The following FLNC variants were observed in gnomAD, a reference collection of about 807,000 sequenced individuals.
FLNC encodes filamin-C.
FLNC carries 91 observed loss-of-function variants against 254.3 expected under a neutral mutation model. That is an observed-to-expected ratio of 0.36 (90% CI 0.30 to 0.43). FLNC has a LOEUF of 0.43. FLNC is among the 20% of genes least tolerant of loss of function. FLNC has a pLI of 1.00. For missense variants in FLNC, 2,853 were observed against 3,802.6 expected, an observed-to-expected ratio of 0.75 and a Z score of 6.57; for synonymous variants, 1,430 against 1,577.2, an observed-to-expected ratio of 0.91 and a Z score of 2.21.
intron 35 of FLNC, among the ~76,000 whole-genome samples, chr7:128,851,988 C>T (rs1177196642): frequency 6.6e-6 from 1 of 152,182 alleles, no homozygotes; most frequent in East Asian, 1.9e-4. Context: ...GCCTCAGCCT[C>T]CCAAGTAGCT....
Position 128,857,339 on chromosome 7 carries a change from G to A in FLNC, c.7780+3G>A, listed in dbSNP as rs1480545618. On this transcript the variant is annotated splice_donor_region_variant and intron_variant, in intron 46 of 47. Transcript: ENST00000325888. The surrounding 1 kb of genome is among the most constrained non-coding windows in gnomAD (Gnocchi z 4.5). ...CCCCTTCAAGGCCAAGGTCACTGGT[G>A]AGTGCCAGTTTGGGGGAGGTCCACC... 5 of 1,610,886 alleles carry A rather than the reference G, an allele frequency of 3.1e-6. No homozygotes were observed. The highest frequency in any genetic ancestry group is 2.2e-5 in the South Asian group (2 of 90,988).
In FLNC at chr7:128,838,747, T is replaced by C. The variant is rs1451514235; in HGVS notation, c.1355T>C (p.Val452Ala). Residue 452 changes from valine to alanine, a missense_variant, in exon 8 of 48, where the codon GTG becomes GCG. By Grantham distance (64) the Val-to-Ala change is moderately conservative (BLOSUM62 0). Around this residue, in one of 10 missense-constraint regions of FLNC, gnomAD observed 1,573 missense variants for 1,883.5 expected, o/e 0.84. Transcript: ENST00000325888. ...PAMEGPHTVHVAFAGAPITRS... is the reference protein window; with the variant it reads ...PAMEGPHTVHAAFAGAPITRS... ...ATGGAGGGGCCACATACCGTGCATG[T>C]GGCCTTTGCGGGTGCCCCCATCACC... 1.2e-6 allele frequency: 2 copies of C among 1,612,928 alleles called. No homozygotes were observed. The highest frequency in any genetic ancestry group is 1.7e-6 in the Non-Finnish European group (2 of 1,180,008).
In FLNC at chr7:128,856,477, C is replaced by T. The variant is rs1234199031; in HGVS notation, c.7252-41C>T. The T allele has an allele frequency of 1.7e-5, 27 of 1,606,112 alleles. 1 individual carries two copies. The highest frequency in any genetic ancestry group is 6.6e-5 in the South Asian group (6 of 91,066). ...GCTTCAGAGAAGACTGCTCCAGCCC[C>T]GGCCTCCCAGGAGTCTGAGCATCCT... On this transcript the variant is annotated intron_variant, in intron 43 of 47. Transcript: ENST00000325888. This position sits in a 1 kb window ranked among gnomAD's most constrained non-coding sequence, Gnocchi z 5.9.
Position 128,849,522 on chromosome 7 carries a change from G to A in FLNC, c.5143G>A (p.Val1715Ile), listed in dbSNP as rs200178370. 1.3e-4 allele frequency: 212 copies of A among 1,614,192 alleles called. 1 individual carries two copies. The highest frequency in any genetic ancestry group is 1.0e-4 in the Non-Finnish European group (123 of 1,180,028). ...YYTAPEPGKY[V>I]ITIRFGGEHI... ...CACAGCGCCCGAGCCGGGCAAGTAC[G>A]TCATCACCATCCGCTTCGGGGGTGA... Residue 1715 changes from valine to isoleucine, a missense_variant, in exon 30 of 48, where the codon GTC becomes ATC. Coordinates refer to ENST00000325888, the MANE Select transcript of FLNC (RefSeq NM_001458.5).
rs369916201 is a variant in FLNC at position 128,842,601 on chromosome 7, C to T, written c.2292C>T (p.Pro764=). 5.0e-5 allele frequency: 78 copies of T among 1,549,600 alleles called. No individual in the cohort carries two copies. The Middle Eastern group carries it at 1.0e-3, about 20-fold the overall frequency. ...TGAACGTGGGCGAGGGCAGCCACCC[C>T]GAGCGGGTAAAGGTGTACGGCCCCG... The part of the protein sequence containing the change: ...FRVNVGEGSH[P]ERVKVYGPGV... Residue 764 remains proline (P), a synonymous_variant, in exon 15 of 48, where the codon CCC becomes CCT. Coordinates refer to ENST00000325888, the MANE Select transcript of FLNC (RefSeq NM_001458.5). The surrounding 1 kb of genome is among the most constrained non-coding windows in gnomAD (Gnocchi z 5.4).
intron 1 of FLNC, 141 bp downstream of exon 1, chr7:128,831,130 C>G (rs1484863264): frequency 1.3e-6 from 1 of 764,044 alleles, no homozygotes; most frequent in African/African-American, 1.8e-5. Context: ...GACCCTGGCC[C>G]CGGCCCTCCC....
intron 1 of FLNC, among the ~76,000 whole-genome samples, chr7:128,834,314 C>G (rs1038553936): frequency 4.8e-5 from 7 of 146,532 alleles, no homozygotes; most frequent in African/African-American, 1.6e-4. Context: ...TCTAGGCGCC[C>G]CCCCCCCCCA....
In FLNC at chr7:128,840,641, C is replaced by A; in HGVS notation, c.1643C>A (p.Thr548Asn). 2 of 1,614,224 alleles carry A rather than the reference C, an allele frequency of 1.2e-6. No homozygotes were observed. Among genetic ancestry groups the A allele is most frequent in the Non-Finnish European group, 1.7e-6 (2 of 1,180,036 alleles). ...GTGGTGCCTGGGAAGTATGTGGTGA[C>A]CATCACGTGGGGCGGCTACGCCATC... Reference protein sequence around the residue: ...YPVVPGKYVVTITWGGYAIPR... With the variant: ...YPVVPGKYVVNITWGGYAIPR... Residue 548 changes from threonine to asparagine, a missense_variant, in exon 10 of 48, where the codon ACC (threonine) becomes AAC (asparagine). By Grantham distance (65) the Thr-to-Asn change is moderately conservative (BLOSUM62 0). This residue lies in a region of FLNC where 1,573 missense variants were observed against 1,883.5 expected (regional missense o/e 0.84). Coordinates refer to ENST00000325888, the MANE Select transcript of FLNC (RefSeq NM_001458.5).
intron 21 of FLNC, 87 bp downstream of exon 21, chr7:128,845,342 G>A (rs2128936562): frequency 9.1e-7 from 1 of 1,095,092 alleles, no homozygotes; most frequent in South Asian, 1.3e-5. Context: ...AGAGCTGAGA[G>A]CTGGAAGAGC....
At position 128,853,814 on chromosome 7, in the gene FLNC, GT is replaced by G; in HGVS notation, c.6462del (p.Cys2154TrpfsTer21). On this transcript the variant is annotated frameshift_variant, in exon 39 of 48. Coordinates refer to ENST00000325888, the MANE Select transcript of FLNC (RefSeq NM_001458.5). LOFTEE classifies it high-confidence loss of function. ...APSIATIGST[C>X]DLNLKIPGNW... is the part of the protein sequence containing the mutation. ...TCCATCGCCACCATCGGCAGCACCT[GT>G]GACCTCAACCTCAAGATCCCAGGTA... is the stretch of plus-strand genomic sequence containing the variant. 1 of 1,613,564 alleles carries G rather than the reference GT, an allele frequency of 6.2e-7. No individual in the cohort carries two copies. The highest frequency in any genetic ancestry group is 8.5e-7 in the Non-Finnish European group (1 of 1,180,012).
chr7:128,832,364 G>A (rs1214632304), intron 1 of FLNC, among the ~76,000 whole-genome samples: 2 of 152,222 alleles, frequency 1.3e-5, no homozygotes, highest in Admixed American at 1.3e-4. Context: ...TGAGGGCTAC[G>A]TGATGGAGGC....
In FLNC at chr7:128,841,873, C is replaced by T. The variant is rs184124838; in HGVS notation, c.2121+306C>T. Among the ~76,000 whole-genome samples, 3 of 152,150 alleles carry T rather than the reference C, an allele frequency of 2.0e-5. No homozygotes were observed. Among genetic ancestry groups the T allele is most frequent in the Admixed American group, 2.0e-4 (3 of 15,264 alleles). ...GTTTCTCAGACTGGTGTCCATTGAC[C>T]CCTAGAGGTTAATGAACATATTCTT... is the stretch of plus-strand genomic sequence containing the variant. On this transcript the variant is annotated intron_variant, in intron 13 of 47. Coordinates refer to ENST00000325888, the MANE Select transcript of FLNC (RefSeq NM_001458.5). The surrounding 1 kb of genome is among the most constrained non-coding windows in gnomAD (Gnocchi z 4.3).
In FLNC at chr7:128,855,283, A is replaced by G; in HGVS notation, c.7220A>G (p.Asp2407Gly). 1 of 1,613,494 alleles carries G rather than the reference A, an allele frequency of 6.2e-7. No individual in the cohort carries two copies. The highest frequency in any genetic ancestry group is 8.5e-7 in the Non-Finnish European group (1 of 1,179,644). The change falls in exon 43 of 48, where the codon GAC (aspartate) becomes GGC (glycine). Residue 2407 changes from aspartate (D) to glycine (G), a missense_variant. Asp to Gly is a moderately conservative substitution (Grantham distance 94). Around this residue, in one of 10 missense-constraint regions of FLNC, gnomAD observed 551 missense variants for 835.0 expected, o/e 0.66. Coordinates refer to ENST00000325888, the MANE Select transcript of FLNC (RefSeq NM_001458.5). The part of the protein sequence containing the change: ...FVVPVASLSD[D>G]ARRLTVTSLQ... Reference sequence around the variant, plus strand: ...GTGCCTGTGGCCTCCCTCTCGGATGACGCTCGCCGTCTCACTGTCACCAGC... The same window carrying G: ...GTGCCTGTGGCCTCCCTCTCGGATGGCGCTCGCCGTCTCACTGTCACCAGC...
In FLNC at chr7:128,837,117, G is replaced by T. The variant is rs771821930; in HGVS notation, c.602-43G>T. On this transcript the variant is annotated intron_variant, in intron 2 of 47. Transcript: ENST00000325888. ...GAACAAATGCCCTGCATCCTGGCCG[G>T]CTGGCTGCCCCTCACCATCGTCTCC... 3 of 1,367,484 alleles carry T rather than the reference G, an allele frequency of 2.2e-6. No individual in the cohort carries two copies. The Admixed American group carries it at 5.7e-5, about 26-fold the overall frequency. The allele number at this position is 1,367,484 out of a possible 1,614,324, so 84.7% of individuals were successfully genotyped here.
rs556514700 is a variant in FLNC at position 128,840,728 on chromosome 7, C to T, written c.1676+54C>T. On this transcript the variant is annotated intron_variant, in intron 10 of 47. Coordinates refer to ENST00000325888, the MANE Select transcript of FLNC (RefSeq NM_001458.5). ...CTGTCTAGGCCATCACAGGGAGGGA[C>T]GAGGGGCACTGGGCTGCGAGGGAGT... The T allele has an allele frequency of 2.5e-4, 411 of 1,613,978 alleles. 6 individuals carry two copies. The South Asian group carries it at 3.6e-3, about 14-fold the overall frequency.
intron 21 of FLNC, 49 bp downstream of exon 21, chr7:128,845,304 C>T (rs912978705): frequency 1.1e-5 from 16 of 1,470,428 alleles, no homozygotes; most frequent in East Asian, 2.3e-5. Context: ...GGTGCAGGAG[C>T]TGGGTAGTCC....
chr7:128,854,380 C>T (rs1367652758), intron 40 of FLNC, 33 bp from the exon 41 acceptor site: 2 of 1,603,242 alleles, frequency 1.2e-6, no homozygotes, highest in African/African-American at 2.7e-5. Context: ...GGAGGAATCC[C>T]AGTGTTGCCC....
rs760407609 is a variant in FLNC at position 128,848,934 on chromosome 7, C to G, written c.4879C>G (p.Arg1627Gly). 1.9e-6 allele frequency: 3 copies of G among 1,613,696 alleles called. No individual in the cohort carries two copies. The East Asian group carries it at 6.7e-5, about 36-fold the overall frequency. ...GGDEIPYSPF[R>G]IHALPTGDAS... ...TGATGAGATCCCCTACTCGCCCTTCCGCATCCATGCTCTGCCCACTGGGGA... is the reference window on the plus strand; with the variant it reads ...TGATGAGATCCCCTACTCGCCCTTCGGCATCCATGCTCTGCCCACTGGGGA... Residue 1627 changes from arginine (R) to glycine (G), a missense_variant, in exon 28 of 48, where the codon CGC becomes GGC. Coordinates refer to ENST00000325888, the MANE Select transcript of FLNC (RefSeq NM_001458.5).
intron 25 of FLNC, 38 bp downstream of exon 25, chr7:128,847,902 C>A: frequency 6.2e-7 from 1 of 1,613,548 alleles, no homozygotes; most frequent in Non-Finnish European, 8.5e-7. Flanking sequence ...GGAGGTGGGG[C>A]GGGACGCCCG....
Sources: allele counts gnomAD v4.1 joint callset (sites outside exome capture counted in the v4.1 genomes callset), GRCh38; gene constraint gnomAD v4.1.1; regional missense constraint gnomAD v4.1.1; non-coding constraint Gnocchi (gnomAD v3.1); transcripts MANE v1.5; gene names NCBI Gene and HGNC (gene_info 2026-07-23, HGNC 2026-07-21).